The following CTNNA3 variants were observed in gnomAD, a reference collection of about 807,000 sequenced individuals.
CTNNA3 encodes the protein catenin alpha 3, also known as catenin alpha-3.
Under a neutral mutation model 95.7 loss-of-function variants are expected in CTNNA3, and 76 were observed. That is an observed-to-expected ratio of 0.79 (90% confidence interval 0.66 to 0.96). CTNNA3 has a LOEUF of 0.96. Ranked by LOEUF, CTNNA3 falls within the 40% of genes least tolerant of loss-of-function variation. The pLI, the probability that CTNNA3 is intolerant of heterozygous loss-of-function variation, is 0.00. For missense variants in CTNNA3, 1,191 were observed against 1,089.8 expected (o/e 1.09, Z -1.31); for synonymous variants, 431 against 374.4 (o/e 1.15, Z -1.74).
At position 67,012,813 on chromosome 10, in the gene CTNNA3, C is replaced by T. The variant is rs145022294; in HGVS notation, c.1047+167504G>A. Among the ~76,000 whole-genome samples, 1,007 of 152,044 alleles carry T rather than the reference C, an allele frequency of 6.6e-3. 13 individuals are homozygous for T. The highest frequency in any genetic ancestry group is 0.023 in the African/African-American group (971 of 41,492). ...GTGTTTGTTAAAGTTTTATTAAAAG[C>T]GATCCTAGAAAATATAACTAGAGCT... On this transcript the variant is annotated intron_variant, in intron 7 of 17. Coordinates refer to ENST00000433211, the MANE Select transcript of CTNNA3 (RefSeq NM_013266.4).
chr10:66,087,810 T>C (rs1409369924), intron 14 of CTNNA3, among the ~76,000 whole-genome samples: 1 of 152,128 alleles, frequency 6.6e-6, no homozygotes, highest in Non-Finnish European at 1.5e-5. Context: ...AGTTTGTATC[T>C]GAACTTCAGG....
intron 12 of CTNNA3, among the ~76,000 whole-genome samples, chr10:66,335,640 A>T (rs1430251962): frequency 6.6e-6 from 1 of 151,974 alleles, no homozygotes; most frequent in Non-Finnish European, 1.5e-5. Flanking sequence ...GTCTGCCCCT[A>T]CTTTGGGGTG....
chr10:67,046,893 T>G (rs543810301), intron 7 of CTNNA3, among the ~76,000 whole-genome samples: 1 of 152,340 alleles, frequency 6.6e-6, no homozygotes, highest in South Asian at 2.1e-4. Flanking sequence ...GGCACTGCCT[T>G]CCTTTTACAT....
Position 67,363,491 on chromosome 10 carries a change from C to A in CTNNA3, c.580-143621G>T, listed in dbSNP as rs1015571281. Among the ~76,000 whole-genome samples, 17 of 151,722 alleles carry A rather than the reference C, an allele frequency of 1.1e-4. No homozygotes were observed. The East Asian group carries it at 1.7e-3, about 16-fold the overall frequency. ...TGAAAAAGAAAGAGACACACACACACACAAAAAAACTCTTCAAAAAATCAA... is the reference window on the plus strand; with the variant it reads ...TGAAAAAGAAAGAGACACACACACAAACAAAAAAACTCTTCAAAAAATCAA... On this transcript the variant is annotated intron_variant, in intron 5 of 17. Coordinates refer to ENST00000433211, the MANE Select transcript of CTNNA3 (RefSeq NM_013266.4).
intron 12 of CTNNA3, among the ~76,000 whole-genome samples, chr10:66,281,709 A>G (rs904801575): frequency 6.6e-6 from 1 of 151,934 alleles, no homozygotes; most frequent in Admixed American, 6.6e-5. Flanking sequence ...TTATTTTTCT[A>G]CATTTAAGTT....
intron 17 of CTNNA3, among the ~76,000 whole-genome samples, chr10:65,929,887 T>C (rs765386200): frequency 6.6e-6 from 1 of 151,894 alleles, no homozygotes; most frequent in Non-Finnish European, 1.5e-5. Context: ...TTTTATAAGT[T>C]TATAAGGTGA....
chr10:67,219,701 T>C lies in CTNNA3; in HGVS notation c.749A>G (p.Asn250Ser), dbSNP rs372717475. ...TVCEEIQNAL[N>S]VISNASQGIQ... is the part of the protein sequence containing the mutation. The stretch of plus-strand genomic sequence containing the variant: ...CCCTTGTGAAGCATTTGAAATTACA[T>C]TGAGAGCATTCTGAATTTCTTCACA... Residue 250 changes from asparagine to serine, a missense_variant, in exon 6 of 18, where the codon AAT becomes AGT. Coordinates refer to ENST00000433211, the MANE Select transcript of CTNNA3 (RefSeq NM_013266.4). 27 of 1,614,030 alleles carry C rather than the reference T, an allele frequency of 1.7e-5. No homozygotes were observed. Among genetic ancestry groups the C allele is most frequent in the Middle Eastern group, 1.6e-4 (1 of 6,084 alleles).
At chr10:67,297,979 T>C (rs1345693992) in intron 5 of CTNNA3, among the ~76,000 whole-genome samples, 1 of 152,224 alleles carries the variant, frequency 6.6e-6, no homozygotes, top group Non-Finnish European at 1.5e-5. Context: ...ACATTTCTAG[T>C]ACATTGAGCC....
At chr10:67,022,795 G>A (rs1190454167) in intron 7 of CTNNA3, among the ~76,000 whole-genome samples, 9 of 152,034 alleles carry the variant, frequency 5.9e-5, no homozygotes, top group East Asian at 1.9e-4. Flanking sequence ...AAAATTAGCC[G>A]GGCGTGGTGG....
chr10:66,684,821 T>C (rs1847191314), intron 9 of CTNNA3, among the ~76,000 whole-genome samples: 1 of 152,124 alleles, frequency 6.6e-6, no homozygotes, highest in Non-Finnish European at 1.5e-5. Flanking sequence ...AAATAGAATG[T>C]TGGCACCGGA....
At chr10:67,540,923 C>T (rs1413172803) in intron 3 of CTNNA3, among the ~76,000 whole-genome samples, 2 of 151,806 alleles carry the variant, frequency 1.3e-5, no homozygotes, top group Admixed American at 1.3e-4. Flanking sequence ...TCAATCAAGT[C>T]ACTTAACATC....
At chr10:66,505,192 A>G (rs537090062) in intron 11 of CTNNA3, among the ~76,000 whole-genome samples, 38 of 152,328 alleles carry the variant, frequency 2.5e-4, no homozygotes, top group Non-Finnish European at 4.6e-4. Flanking sequence ...CCTTAAGTGA[A>G]CTTACCTGTT....
chr10:66,377,481 C>A (rs2092804332), intron 12 of CTNNA3, among the ~76,000 whole-genome samples: 1 of 151,876 alleles, frequency 6.6e-6, no homozygotes, highest in African/African-American at 2.4e-5. Flanking sequence ...ATTTTCTGAT[C>A]TCAGAGTGAT....
At chr10:66,125,902 A>G (rs988031949) in intron 13 of CTNNA3, among the ~76,000 whole-genome samples, 29 of 152,202 alleles carry the variant, frequency 1.9e-4, no homozygotes, top group African/African-American at 6.8e-4. Flanking sequence ...TGGTAAATCA[A>G]TTTTGTATAT....
rs539525809 is a variant in CTNNA3, at chr10:66,574,721, T to G, written c.1374+46971A>C. 2.0e-5 allele frequency among the ~76,000 whole-genome samples: 3 copies of G among 152,260 alleles called. No homozygotes were observed. The South Asian group carries it at 6.2e-4, about 32-fold the overall frequency. On this transcript the variant is annotated intron_variant, in intron 10 of 17. Coordinates refer to ENST00000433211, the MANE Select transcript of CTNNA3 (RefSeq NM_013266.4). The stretch of plus-strand genomic sequence containing the variant: ...GGAAATATAATTTTCCATGATTACT[T>G]TGAGCTTCCTGTAAGTGTAACAGTT...
intron 9 of CTNNA3, among the ~76,000 whole-genome samples, chr10:66,673,884 T>C (rs1286227183): frequency 6.6e-6 from 1 of 152,058 alleles, no homozygotes; most frequent in Non-Finnish European, 1.5e-5. Flanking sequence ...ATTTGATTCT[T>C]GTCTTTGTAA....
chr10:67,647,436 T>G lies in CTNNA3; in HGVS notation c.78A>C (p.Leu26=). Residue 26 remains leucine (L), a synonymous_variant, in exon 2 of 18, where the codon CTA becomes CTC. Coordinates refer to ENST00000433211, the MANE Select transcript of CTNNA3 (RefSeq NM_013266.4). ...ATACCTGGATTATGAGAGGCTCCAG[T>G]AGCTTCTCCACGGTGAATGTTTGGA... ...LQVQTFTVEK[L]LEPLIIQVTT... The G allele has an allele frequency of 6.2e-7, 1 of 1,613,054 alleles. No homozygotes were observed. The highest frequency in any genetic ancestry group is 8.5e-7 in the Non-Finnish European group (1 of 1,179,194).
chr10:66,840,323 ATCTCTCTCTCTCTCTCTCTCTC>A (rs71035189), intron 7 of CTNNA3, among the ~76,000 whole-genome samples: 8 of 90,638 alleles, frequency 8.8e-5, no homozygotes, highest in Non-Finnish European at 1.4e-4. Flanking sequence ...CCAAGAAGCC[ATCTCTCTCTCTCTCTCTCTCTC>A]TCTCTCTCTC....
chr10:66,607,052 A>G (rs1844149010), intron 10 of CTNNA3, among the ~76,000 whole-genome samples: 1 of 152,112 alleles, frequency 6.6e-6, no homozygotes, highest in South Asian at 2.1e-4. Context: ...CAAAGAAGAA[A>G]GGAGAGAACA....
Sources: allele counts gnomAD v4.1 joint callset (sites outside exome capture counted in the v4.1 genomes callset), GRCh38; gene constraint gnomAD v4.1.1; transcripts MANE v1.5; gene names NCBI Gene and HGNC (gene_info 2026-07-23, HGNC 2026-07-21).